The following DDX60 variants were observed in gnomAD, a reference collection of about 807,000 sequenced individuals.
The protein encoded by DDX60 is DExD/H-box helicase 60.
A neutral mutation model predicts 212.8 loss-of-function variants in DDX60; 165 were observed. That is an observed-to-expected ratio of 0.78 (90% CI 0.68 to 0.88). The LOEUF is 0.88. Among genes scored for constraint, DDX60 ranks in the 40% least tolerant of loss-of-function variants. DDX60 has a pLI of 0.00. For missense variants in DDX60, 1,905 were observed against 2,003.9 expected (o/e 0.95, Z 0.94); for synonymous variants, 703 against 685.3 (o/e 1.03, Z -0.40).
At chr4:168,251,918 C>T (rs1423273036) in intron 27 of DDX60, among the ~76,000 whole-genome samples, 1 of 152,122 alleles carries the variant, frequency 6.6e-6, no homozygotes, top group Non-Finnish European at 1.5e-5. Context: ...TTTATTATTA[C>T]TATATTTATA....
intron 3 of DDX60, among the ~76,000 whole-genome samples, chr4:168,309,672 G>A (rs1450105696): frequency 1.3e-5 from 2 of 152,048 alleles, no homozygotes; most frequent in Non-Finnish European, 2.9e-5. Flanking sequence ...AGCACAATAT[G>A]GTTTGATAAT....
intron 3 of DDX60, among the ~76,000 whole-genome samples, chr4:168,309,106 A>T (rs1300814155): frequency 6.6e-6 from 1 of 152,198 alleles, no homozygotes; most frequent in Non-Finnish European, 1.5e-5. Context: ...TACTACTGTA[A>T]TAACTTTGTA....
rs546079957 is a variant in DDX60 at position 168,248,531 on chromosome 4, C to T, written c.3859-239G>A. On this transcript the variant is annotated intron_variant, in intron 28 of 37. Coordinates refer to ENST00000393743, the MANE Select transcript of DDX60 (RefSeq NM_017631.6). The stretch of plus-strand genomic sequence containing the variant: ...CAAATATTCGTTTCTCTGGCTTCTT[C>T]AGCTGTCTACTCAAATGTCACAGAG... Among the ~76,000 whole-genome samples the T allele has an allele frequency of 4.6e-5, 7 of 152,294 alleles. No individual in the cohort carries two copies. The South Asian group carries it at 6.2e-4, about 14-fold the overall frequency.
At position 168,309,726 on chromosome 4, in the gene DDX60, A is replaced by T. The variant is rs1180714732; in HGVS notation, c.74+1272T>A. Among the ~76,000 whole-genome samples, 6 of 152,332 alleles carry T rather than the reference A, an allele frequency of 3.9e-5. No individual in the cohort carries two copies. In the East Asian group the frequency reaches 9.6e-4, roughly 24 times the overall value. On this transcript the variant is annotated intron_variant, in intron 3 of 37. Transcript: ENST00000393743. ...TTTAAAAATGTCAAGATAACAAGAG[A>T]AGCAGTTTCAGCCAGCTAAGAGACA...
chr4:168,275,512 T>C lies in DDX60; in HGVS notation c.2146-9A>G, dbSNP rs1735296145. 1 of 1,579,730 alleles carries C rather than the reference T, an allele frequency of 6.3e-7. No individual in the cohort carries two copies. The highest frequency in any genetic ancestry group is 8.6e-7 in the Non-Finnish European group (1 of 1,162,874). ...ACATCATTTTCTGCATCCTGCATTA[T>C]TTTAAAAGTCCATTTTGAAAATGAC... On this transcript the variant is annotated splice_polypyrimidine_tract_variant and intron_variant, in intron 15 of 37. Transcript: ENST00000393743.
At chr4:168,256,626 C>T (rs963811786) in intron 25 of DDX60, among the ~76,000 whole-genome samples, 5 of 152,118 alleles carry the variant, frequency 3.3e-5, no homozygotes, top group African/African-American at 1.2e-4. Context: ...TAAAGGCAAA[C>T]ATTTCCTATG....
chr4:168,258,354 G>A (rs1734497067), intron 25 of DDX60, among the ~76,000 whole-genome samples: 1 of 152,134 alleles, frequency 6.6e-6, no homozygotes, highest in Admixed American at 6.5e-5. Flanking sequence ...GGCAGAGGTG[G>A]GATCCAAGTT....
intron 1 of DDX60, among the ~76,000 whole-genome samples, chr4:168,312,725 C>CATAGATAGATAGATAGATAG (rs1416871907): frequency 1.2e-4 from 7 of 59,846 alleles, no homozygotes; most frequent in Non-Finnish European, 1.9e-4. Flanking sequence ...ATGATGGATA[C>CATAGATAGATAGATAGATAG]ACAGATAGAT....
intron 19 of DDX60, among the ~76,000 whole-genome samples, chr4:168,271,169 C>T (rs1250152727): frequency 1.3e-5 from 2 of 152,122 alleles, no homozygotes; most frequent in South Asian, 2.1e-4. Context: ...TGAGCCACCG[C>T]ACCTGACCAA....
At chr4:168,236,054 CTT>C (rs1553963200) in intron 33 of DDX60, 196 bp downstream of exon 33, 2 of 462,496 alleles carry the variant, frequency 4.3e-6, no homozygotes, top group Non-Finnish European at 7.4e-6. Flanking sequence ...TTCACAAAGA[CTT>C]TAACTTTTTG....
chr4:168,274,016 T>C lies in DDX60; in HGVS notation c.2372A>G (p.Lys791Arg). 1 of 1,614,208 alleles carries C rather than the reference T, an allele frequency of 6.2e-7. No homozygotes were observed. Among genetic ancestry groups the C allele is most frequent in the Non-Finnish European group, 8.5e-7 (1 of 1,180,024 alleles). ...CATACAGTAGTAGGAGGCATAGGTT[T>C]TGCCTGAGGACGTTGGGGCAACAAT... is the stretch of plus-strand genomic sequence containing the variant. ...AVIVAPTSSG[K>R]TYASYYCMEK... Residue 791 changes from lysine to arginine, a missense_variant, in exon 17 of 38, where the codon AAA (lysine) becomes AGA (arginine). Lys to Arg is a conservative substitution (Grantham distance 26). Transcript: ENST00000393743.
chr4:168,224,749 C>T (rs901641258), intron 34 of DDX60, among the ~76,000 whole-genome samples: 4 of 151,940 alleles, frequency 2.6e-5, no homozygotes, highest in Admixed American at 2.6e-4. Flanking sequence ...TTTCCTGAAA[C>T]CATGCAGCCT....
chr4:168,267,881 T>C lies in DDX60; in HGVS notation c.2889A>G (p.Lys963=), dbSNP rs1308324896. ...RHVGRQAGFP[K]DYLQVKQSYK... The stretch of plus-strand genomic sequence containing the variant: ...ACGATTGTTTTACTTGCAAGTAGTC[T>C]TTGGGAAAGCCGGCCTGACGACCCA... The change falls in exon 21 of 38, where the codon AAA becomes AAG. Residue 963 remains lysine (K), a synonymous_variant. Coordinates refer to ENST00000393743, the MANE Select transcript of DDX60 (RefSeq NM_017631.6). 1.2e-6 allele frequency: 2 copies of C among 1,613,436 alleles called. No individual in the cohort carries two copies. The highest frequency in any genetic ancestry group is 3.3e-5 in the Admixed American group (2 of 59,976).
chr4:168,276,970 T>G (rs187751551), intron 14 of DDX60, among the ~76,000 whole-genome samples: 2 of 152,254 alleles, frequency 1.3e-5, no homozygotes, highest in Admixed American at 1.3e-4. Flanking sequence ...AAACAATAGG[T>G]CAGGGTGTTG....
At position 168,221,644 on chromosome 4, in the gene DDX60, G is replaced by A. The variant is rs779984210; in HGVS notation, c.4976+86C>T. 5.7e-6 allele frequency: 8 copies of A among 1,409,286 alleles called. No individual in the cohort carries two copies. In the East Asian group the frequency reaches 7.0e-5, roughly 12 times the overall value. The allele number at this position is 1,409,286 out of a possible 1,614,324, so 87.3% of individuals were successfully genotyped here. On this transcript the variant is annotated intron_variant, in intron 36 of 37. Transcript: ENST00000393743. ...TAACCTGCACTTGAAACTGTAATGA[G>A]GTTTCTTCCTTAAAATTCATTAAAT...
intron 1 of DDX60, among the ~76,000 whole-genome samples, chr4:168,317,213 T>G (rs961864716): frequency 1.1e-4 from 16 of 150,884 alleles, no homozygotes; most frequent in Non-Finnish European, 2.2e-4. Flanking sequence ...CACACACACA[T>G]AAACACACAC....
In DDX60 at chr4:168,302,378, A is replaced by G; in HGVS notation, c.645T>C (p.Leu215=). The G allele has an allele frequency of 1.3e-6, 2 of 1,587,416 alleles. No homozygotes were observed. Among genetic ancestry groups the G allele is most frequent in the Non-Finnish European group, 1.7e-6 (2 of 1,167,732 alleles). The change falls in exon 6 of 38, where the codon CTT becomes CTC. Residue 215 remains leucine (L), a synonymous_variant. Transcript: ENST00000393743. ...QNIKDAYTTL[L]NQLERFKLSA... ...AAAGCTTAAATCTTTCCAACTGGTT[A>G]AGCAGGGTTGTATAAGCATCTTTAA...
rs1219974834 is a variant in DDX60 at position 168,287,199 on chromosome 4, T to C, written c.1188A>G (p.Leu396=). 4 of 1,604,534 alleles carry C rather than the reference T, an allele frequency of 2.5e-6. No individual in the cohort carries two copies. Among genetic ancestry groups the C allele is most frequent in the Non-Finnish European group, 3.4e-6 (4 of 1,174,824 alleles). ...TAATGGTATCTCCCAAATTCAAATG[T>C]AGGCCTACATAACAATTAAAAACAC... ...FYYENENVKG[L]HLNLGDTIMK... The change falls in exon 10 of 38, where the codon CTA becomes CTG. Residue 396 remains leucine (L), a synonymous_variant. Transcript: ENST00000393743.
rs1045608297 is a variant in DDX60 at position 168,230,870 on chromosome 4, A to T, written c.4534-5194T>A. ...AGAACTAAATGAAATTGAAACAAAC[A>T]AACAAAACCAATACAAAAGATAAAT... is the stretch of plus-strand genomic sequence containing the variant. On this transcript the variant is annotated intron_variant, in intron 33 of 37. Coordinates refer to ENST00000393743, the MANE Select transcript of DDX60 (RefSeq NM_017631.6). Among the ~76,000 whole-genome samples, 11 of 152,218 alleles carry T rather than the reference A, an allele frequency of 7.2e-5. No homozygotes were observed. In the East Asian group the frequency reaches 2.1e-3, roughly 29 times the overall value.
Sources: gnomAD v4.1 joint callset for allele counts (sites outside exome capture counted in the v4.1 genomes callset) on GRCh38, gnomAD v4.1.1 for gene constraint, MANE v1.5 for transcripts, NCBI Gene and HGNC (gene_info 2026-07-23, HGNC 2026-07-21) for gene names.